Variants in CILK1 observed in about 807,000 individuals in gnomAD.
CILK1 encodes the protein ciliogenesis associated kinase 1, also known as serine/threonine-protein kinase ICK.
In CILK1, 47 loss-of-function variants were observed where a neutral mutation model predicts 79.2. The ratio of observed to expected loss-of-function variants is 0.59; its 90% CI spans 0.47 to 0.76. CILK1 has a LOEUF of 0.76. Ranked by LOEUF, CILK1 falls within the 30% of genes least tolerant of loss-of-function variation. The pLI, the probability that CILK1 is intolerant of heterozygous loss-of-function variation, is 0.00. For missense variants in CILK1, 660 were observed against 769.5 expected (o/e 0.86, Z 1.68); for synonymous variants, 266 against 275.9 (o/e 0.96, Z 0.36).
chr6:53,038,055 T>C (rs980455683), intron 2 of CILK1, 62 bp from the exon 3 acceptor site: 22 of 1,142,966 alleles, frequency 1.9e-5, no homozygotes, highest in Non-Finnish European at 2.8e-5. Flanking sequence ...AACTTTGCTT[T>C]TAGAAAAATG....
At chr6:53,051,463 T>A (rs1334950258) in intron 1 of CILK1, among the ~76,000 whole-genome samples, 1 of 152,170 alleles carries the variant, frequency 6.6e-6, no homozygotes, top group African/African-American at 2.4e-5. Context: ...CTAGAGGGAA[T>A]CCATTCTTTG....
In CILK1 at chr6:53,019,376, G is replaced by A. The variant is rs757179203; in HGVS notation, c.359-17C>T. On this transcript the variant is annotated splice_polypyrimidine_tract_variant and intron_variant, in intron 5 of 13. Transcript: ENST00000676107. ...GAAAGAAGCCTATAGAGACAGTAGA[G>A]GAGAAGAAATCCAAATGCAAGTTTG... The A allele has an allele frequency of 6.2e-7, 1 of 1,613,760 alleles. No individual in the cohort carries two copies. Among genetic ancestry groups the A allele is most frequent in the South Asian group, 1.1e-5 (1 of 91,062 alleles).
intron 8 of CILK1, among the ~76,000 whole-genome samples, chr6:53,015,485 T>G (rs1414906423): frequency 6.6e-6 from 1 of 152,232 alleles, no homozygotes; most frequent in Non-Finnish European, 1.5e-5. Context: ...GATGAGTGAT[T>G]AGAGCAAATT....
chr6:53,020,289 C>T (rs1431763400), intron 5 of CILK1, among the ~76,000 whole-genome samples: 5 of 152,112 alleles, frequency 3.3e-5, no homozygotes, highest in African/African-American at 4.8e-5. Context: ...CAGTGAATTG[C>T]AATATATGTC....
chr6:53,033,528 G>A (rs1163541700), intron 3 of CILK1, among the ~76,000 whole-genome samples: 1 of 91,824 alleles, frequency 1.1e-5, no homozygotes, highest in African/African-American at 4.5e-5. Context: ...AAAACTGTTG[G>A]TTTGGATAAT....
At chr6:53,051,709 A>G (rs1288663974) in intron 1 of CILK1, among the ~76,000 whole-genome samples, 2 of 152,150 alleles carry the variant, frequency 1.3e-5, no homozygotes, top group Non-Finnish European at 2.9e-5. Flanking sequence ...ATAAAGTAAC[A>G]CTCACAGGTT....
intron 5 of CILK1, among the ~76,000 whole-genome samples, chr6:53,020,796 C>A (rs1765186280): frequency 6.6e-6 from 1 of 152,178 alleles, no homozygotes. Flanking sequence ...GTTGACAACG[C>A]TCAAGTCTAC....
At chr6:53,021,539 C>T (rs1455009290) in intron 5 of CILK1, among the ~76,000 whole-genome samples, 1 of 152,124 alleles carries the variant, frequency 6.6e-6, no homozygotes, top group Non-Finnish European at 1.5e-5. Context: ...CAGGGCTGAA[C>T]TCCTTTCACT....
intron 1 of CILK1, 95 bp from the exon 2 acceptor site, chr6:53,041,503 G>C (rs1370434860): frequency 2.3e-6 from 1 of 430,422 alleles, no homozygotes; most frequent in Admixed American, 3.5e-5. Context: ...TTGGAACACA[G>C]TCATACCCAC....
At chr6:53,020,965 C>T (rs1765195790) in intron 5 of CILK1, among the ~76,000 whole-genome samples, 1 of 152,150 alleles carries the variant, frequency 6.6e-6, no homozygotes, top group African/African-American at 2.4e-5. Context: ...TTCTAGGTAC[C>T]TTGCAGTTAT....
chr6:53,052,667 G>T (rs1212668583), intron 1 of CILK1, among the ~76,000 whole-genome samples: 3 of 151,794 alleles, frequency 2.0e-5, no homozygotes, highest in African/African-American at 7.3e-5. Context: ...GGAGGCGGAG[G>T]TTGCAGTGAG....
At position 53,031,119 on chromosome 6, in the gene CILK1, T is replaced by C. The variant is rs748539319; in HGVS notation, c.304A>G (p.Ile102Val). 6 of 1,609,276 alleles carry C rather than the reference T, an allele frequency of 3.7e-6. No homozygotes were observed. Among genetic ancestry groups the C allele is most frequent in the East Asian group, 4.5e-5 (2 of 44,840 alleles). Residue 102 changes from isoleucine to valine, a missense_variant, in exon 5 of 14, where the codon ATA (isoleucine) becomes GTA (valine). Ile to Val is a conservative substitution (Grantham distance 29). Coordinates refer to ENST00000676107, the MANE Select transcript of CILK1 (RefSeq NM_014920.5). Reference protein sequence around the residue: ...ERNKLFPESAIRNIMYQILQG... With the variant: ...ERNKLFPESAVRNIMYQILQG... ...AATATCTGATACATGATATTCCTTA[T>C]AGCAGACTCAGGAAACAACTTATTT...
At position 53,019,359 on chromosome 6, in the gene CILK1, C is replaced by T. The variant is rs763926746; in HGVS notation, c.359G>A (p.Gly120Asp). The change falls in exon 6 of 14, where the codon GGC (glycine) becomes GAC (aspartate). Residue 120 changes from glycine to aspartate, a missense_variant and splice_region_variant. Physicochemically the swap from Gly to Asp is moderately conservative, Grantham distance 94 (BLOSUM62 -1). Transcript: ENST00000676107. ...AGGCTTTAAGTCTCGATGAAAGAAG[C>T]CTATAGAGACAGTAGAGGAGAAGAA... ...LQGLAFIHKH[G>D]FFHRDLKPEN... 39 of 1,613,830 alleles carry T rather than the reference C, an allele frequency of 2.4e-5. No individual in the cohort carries two copies. Among genetic ancestry groups the T allele is most frequent in the Non-Finnish European group, 8.5e-7 (1 of 1,179,942 alleles).
At chr6:53,031,305 C>A (rs1765946428) in intron 4 of CILK1, among the ~76,000 whole-genome samples, 161 bp from the exon 5 acceptor site, 1 of 151,632 alleles carries the variant, frequency 6.6e-6, no homozygotes, top group South Asian at 2.1e-4. Flanking sequence ...GATAGTAAGC[C>A]AAAAAAAAGT....
rs2127397042 is a variant in CILK1, at chr6:53,004,862, A to T, written c.*287T>A. 1 of 289,468 alleles carries T rather than the reference A, an allele frequency of 3.5e-6. No individual in the cohort carries two copies. The highest frequency in any genetic ancestry group is 2.2e-5 in the African/African-American group (1 of 45,936). 17.9% of individuals were successfully genotyped at this position (289,468 alleles called of 1,614,324 possible). A position where few individuals can be genotyped will look rare whatever the true frequency, so the allele number is the denominator to read the frequency against. On this transcript the variant is annotated 3_prime_UTR_variant, in exon 14 of 14. Coordinates refer to ENST00000676107, the MANE Select transcript of CILK1 (RefSeq NM_014920.5). ...AAGTTCATTACAAAGTTGACTGTATAAAATGCTAAAACATAATCCATATAT... is the reference window on the plus strand; with the variant it reads ...AAGTTCATTACAAAGTTGACTGTATTAAATGCTAAAACATAATCCATATAT...
chr6:53,005,388 A>T, intron 13 of CILK1, 85 bp from the exon 14 acceptor site: 1 of 1,441,746 alleles, frequency 6.9e-7, no homozygotes, highest in East Asian at 2.3e-5. Context: ...TGACAAAAAC[A>T]TGAGAAAATA....
rs554105347 is a variant in CILK1, at chr6:53,028,978, T to C, written c.358+2087A>G. ...GTGTGTGTGTATATATATATATGCA[T>C]ACATTTGATTAGGTAGAGGCCTGGA... On this transcript the variant is annotated intron_variant, in intron 5 of 13. Transcript: ENST00000676107. Among the ~76,000 whole-genome samples the C allele has an allele frequency of 9.2e-5, 14 of 152,230 alleles. No homozygotes were observed. The South Asian group carries it at 2.1e-3, about 23-fold the overall frequency.
intron 1 of CILK1, chr6:53,051,985 A>ATAGG (rs1370227917): frequency 6.6e-6 from 1 of 152,196 alleles, no homozygotes; most frequent in Admixed American, 6.5e-5. Context: ...GGTTTGTTAC[A>ATAGG]TAGGTATACG....
At position 53,041,098 on chromosome 6, in the gene CILK1, G is replaced by A. The variant is rs775716463; in HGVS notation, c.101+38C>T. 3.0e-6 allele frequency: 4 copies of A among 1,321,782 alleles called. No homozygotes were observed. In the South Asian group the frequency reaches 3.5e-5, roughly 12 times the overall value. The allele number at this position is 1,321,782 out of a possible 1,614,324, so 81.9% of individuals were successfully genotyped here. A position where few individuals can be genotyped will look rare whatever the true frequency, so the allele number is the denominator to read the frequency against. On this transcript the variant is annotated intron_variant, in intron 2 of 13. Coordinates refer to ENST00000676107, the MANE Select transcript of CILK1 (RefSeq NM_014920.5). ...ACAAAGACGGGTAATGGTGAGGGTA[G>A]AGTTAAAATTATCATGGCAGTGAAG...
Sources: allele counts gnomAD v4.1 joint callset (sites outside exome capture counted in the v4.1 genomes callset), GRCh38; gene constraint gnomAD v4.1.1; transcripts MANE v1.5; gene names NCBI Gene and HGNC (gene_info 2026-07-23, HGNC 2026-07-21).